EXOC4: variants seen among roughly 807,000 people sequenced by gnomAD.
EXOC4 encodes exocyst complex component 4.
EXOC4 carries 71 observed loss-of-function variants against 107.2 expected under a neutral mutation model. The ratio of observed to expected loss-of-function variants is 0.66; its 90% CI spans 0.55 to 0.81. The LOEUF (loss-of-function observed/expected upper bound fraction) is 0.81. Ranked by LOEUF, EXOC4 falls within the 30% of genes least tolerant of loss-of-function variation. The pLI is 0.00. For missense variants in EXOC4, 1,108 were observed against 1,189.6 expected (o/e 0.93, Z 1.01); for synonymous variants, 456 against 441.2 (o/e 1.03, Z -0.42).
chr7:134,060,499 G>T (rs1796031720), intron 17 of EXOC4, among the ~76,000 whole-genome samples: 1 of 152,154 alleles, frequency 6.6e-6, no homozygotes, highest in South Asian at 2.1e-4. Flanking sequence ...AAAATGTGTT[G>T]CCCTGGAAGC....
intron 7 of EXOC4, among the ~76,000 whole-genome samples, chr7:133,446,015 TAA>T (rs5887629): frequency 3.5e-5 from 5 of 141,886 alleles, no homozygotes; most frequent in Non-Finnish European, 4.6e-5. Context: ...AACCCTGTCT[TAA>T]AAAAAAAAAA....
At chr7:133,350,821 A>T (rs1286293703) in intron 5 of EXOC4, among the ~76,000 whole-genome samples, 1 of 152,064 alleles carries the variant, frequency 6.6e-6, no homozygotes, top group Non-Finnish European at 1.5e-5. Flanking sequence ...CAGTCCGTGC[A>T]CATGGGATGC....
intron 10 of EXOC4, among the ~76,000 whole-genome samples, chr7:133,815,272 T>G (rs1797339976): frequency 1.3e-5 from 2 of 149,930 alleles, no homozygotes; most frequent in African/African-American, 4.9e-5. Flanking sequence ...TCCCAGATAC[T>G]AGGGAGGCTG....
intron 17 of EXOC4, among the ~76,000 whole-genome samples, chr7:134,054,356 A>C (rs1795872817): frequency 6.6e-6 from 1 of 152,108 alleles, no homozygotes; most frequent in African/African-American, 2.4e-5. Context: ...TCTCCCAACT[A>C]TTGAATGAAT....
Position 133,896,942 on chromosome 7 carries a change from C to G in EXOC4, c.1871+1207C>G. Reference sequence around the variant, plus strand: ...TCTCCCAAAGTGCTGGGATTACAGGCATGAGCCACCACACCCGGCCCAGTT... The same window carrying G: ...TCTCCCAAAGTGCTGGGATTACAGGGATGAGCCACCACACCCGGCCCAGTT... On this transcript the variant is annotated intron_variant, in intron 12 of 17. Transcript: ENST00000253861. Among the ~76,000 whole-genome samples, 2 of 124,324 alleles carry G rather than the reference C, an allele frequency of 1.6e-5. 1 individual carries two copies. The highest frequency in any genetic ancestry group is 3.2e-5 in the Non-Finnish European group (2 of 62,076). 81.6% of individuals were successfully genotyped at this position (124,324 alleles called of 152,430 possible).
At chr7:133,379,103 C>G (rs185231132) in intron 7 of EXOC4, among the ~76,000 whole-genome samples, 1 of 152,192 alleles carries the variant, frequency 6.6e-6, no homozygotes, top group Non-Finnish European at 1.5e-5. Context: ...CTGTTCTTAA[C>G]GTTTTACCAC....
rs1794225166 is a variant in EXOC4, at chr7:133,284,304, A to G, written c.277-4618A>G. ...GATCAGGAGCCTAGTTGGGTGTTGT[A>G]TAACATAAGATTTATTTTTAACTGT... On this transcript the variant is annotated intron_variant, in intron 2 of 17. Coordinates refer to ENST00000253861, the MANE Select transcript of EXOC4 (RefSeq NM_021807.4). Among the ~76,000 whole-genome samples the G allele has an allele frequency of 1.3e-5, 2 of 152,220 alleles. 1 individual carries two copies. The highest frequency in any genetic ancestry group is 4.1e-4 in the South Asian group (2 of 4,834).
intron 1 of EXOC4, 36 bp downstream of exon 1, chr7:133,253,223 GGCA>G (rs1562988926): frequency 8.1e-6 from 13 of 1,603,352 alleles, no homozygotes; most frequent in South Asian, 1.1e-5. Flanking sequence ...GGGGACTGGG[GGCA>G]GCGGCTCGAC....
intron 10 of EXOC4, among the ~76,000 whole-genome samples, chr7:133,762,695 A>G (rs1796058070): frequency 6.6e-6 from 1 of 152,154 alleles, no homozygotes; most frequent in Admixed American, 6.6e-5. Context: ...GTAGTGTTAT[A>G]TAATTAAAAT....
intron 9 of EXOC4, among the ~76,000 whole-genome samples, chr7:133,588,877 CA>C (rs771257550): frequency 1.2e-4 from 18 of 144,484 alleles, no homozygotes; most frequent in Non-Finnish European, 2.4e-4. Context: ...AACTCAGTCT[CA>C]AAAAAGTGTG....
intron 6 of EXOC4, among the ~76,000 whole-genome samples, chr7:133,359,017 T>G (rs1796083628): frequency 6.6e-6 from 1 of 152,240 alleles, no homozygotes; most frequent in Non-Finnish European, 1.5e-5. Context: ...GCTGTTTGCC[T>G]TGGCTGTATG....
At chr7:133,348,460 C>T (rs1302462875) in intron 5 of EXOC4, among the ~76,000 whole-genome samples, 1 of 152,180 alleles carries the variant, frequency 6.6e-6, no homozygotes, top group Non-Finnish European at 1.5e-5. Context: ...TTGATTTAAA[C>T]TGCATTTACC....
At chr7:133,661,479 A>G (rs1793677899) in intron 10 of EXOC4, among the ~76,000 whole-genome samples, 1 of 152,102 alleles carries the variant, frequency 6.6e-6, no homozygotes, top group Non-Finnish European at 1.5e-5. Context: ...AGAAATGCTA[A>G]CATACACATT....
intron 9 of EXOC4, among the ~76,000 whole-genome samples, chr7:133,614,479 G>A (rs1233681260): frequency 6.6e-6 from 1 of 152,072 alleles, no homozygotes; most frequent in Non-Finnish European, 1.5e-5. Flanking sequence ...CACTGAAGGA[G>A]AAATATTCTA....
At chr7:133,955,847 C>T (rs1409705223) in intron 14 of EXOC4, among the ~76,000 whole-genome samples, 2 of 152,260 alleles carry the variant, frequency 1.3e-5, no homozygotes, top group Non-Finnish European at 2.9e-5. Flanking sequence ...CAACAGTGCC[C>T]AGGCTTAGCC....
intron 10 of EXOC4, among the ~76,000 whole-genome samples, chr7:133,812,650 A>C (rs1432324721): frequency 6.6e-6 from 1 of 152,110 alleles, no homozygotes; most frequent in Non-Finnish European, 1.5e-5. Flanking sequence ...AATTATATTC[A>C]TTTATGATAT....
At chr7:133,394,649 A>G (rs2150721783) in intron 7 of EXOC4, among the ~76,000 whole-genome samples, 1 of 152,320 alleles carries the variant, frequency 6.6e-6, no homozygotes, top group East Asian at 1.9e-4. Context: ...ACTATACAGA[A>G]CCATGCTAAC....
Position 133,679,538 on chromosome 7 carries a change from G to A in EXOC4, c.1514+49397G>A, listed in dbSNP as rs62471388. On this transcript the variant is annotated intron_variant, in intron 10 of 17. Coordinates refer to ENST00000253861, the MANE Select transcript of EXOC4 (RefSeq NM_021807.4). ...TTGCTACTGCCCCATCCATCCGTCC[G>A]TCCGTCCATCCATCCATCCATCCAT... 5.8e-3 allele frequency among the ~76,000 whole-genome samples: 827 copies of A among 143,148 alleles called. 7 individuals are homozygous for A. The highest frequency in any genetic ancestry group is 0.019 in the African/African-American group (717 of 38,080). The allele number at this position is 143,148 out of a possible 152,430, so 93.9% of individuals were successfully genotyped here. A position where few individuals can be genotyped will look rare whatever the true frequency, so the allele number is the denominator to read the frequency against.
intron 5 of EXOC4, among the ~76,000 whole-genome samples, chr7:133,318,090 C>T (rs902077094): frequency 7.2e-5 from 11 of 152,142 alleles, no homozygotes; most frequent in African/African-American, 1.9e-4. Flanking sequence ...AGTGTCTGGT[C>T]CTGGGAGCTT....
Sources: gnomAD v4.1 joint callset for allele counts (sites outside exome capture counted in the v4.1 genomes callset) on GRCh38, gnomAD v4.1.1 for gene constraint, MANE v1.5 for transcripts, NCBI Gene and HGNC (gene_info 2026-07-23, HGNC 2026-07-21) for gene names.